The following CNTRL variants were observed in gnomAD, a reference collection of about 807,000 sequenced individuals.
CNTRL encodes 110 kDa centrosomal protein.
CNTRL carries 233 observed loss-of-function variants against 303.7 expected under a neutral mutation model. That is an observed-to-expected ratio of 0.77 (90% confidence interval 0.69 to 0.86). CNTRL has a LOEUF of 0.86. CNTRL is among the 40% of genes least tolerant of loss of function. CNTRL has a pLI of 0.00. For synonymous variants in CNTRL, 900 were observed against 922.2 expected, an observed-to-expected ratio of 0.98 and a Z score of 0.44; for missense variants, 2,524 against 2,650.6, an observed-to-expected ratio of 0.95 and a Z score of 1.05.
chr9:121,158,760 C>A, intron 30 of CNTRL, 95 bp from the exon 31 acceptor site: 1 of 1,183,846 alleles, frequency 8.4e-7, no homozygotes, highest in Non-Finnish European at 1.2e-6. Context: ...AGGATATTAG[C>A]TCCTGATTTT....
Position 121,098,538 on chromosome 9 carries a change from G to A in CNTRL, c.774G>A (p.Gln258=), listed in dbSNP as rs2048988148. Residue 258 remains glutamine, a synonymous_variant, in exon 7 of 44, where the codon CAG becomes CAA. Coordinates refer to ENST00000373855, the MANE Select transcript of CNTRL (RefSeq NM_007018.6). ...TGGAAGGTCAGCCAGTAACCACTCA[G>A]GATAGACAGGAGGCTTTTGAGAGAT... The part of the protein sequence containing the change: ...ESLEGQPVTT[Q]DRQEAFERFS... 1 of 1,609,900 alleles carries A rather than the reference G, an allele frequency of 6.2e-7. No homozygotes were observed. The highest frequency in any genetic ancestry group is 8.5e-7 in the Non-Finnish European group (1 of 1,178,750).
intron 14 of CNTRL, among the ~76,000 whole-genome samples, chr9:121,127,805 C>A (rs1477864323): frequency 1.6e-5 from 2 of 126,042 alleles, no homozygotes; most frequent in South Asian, 3.4e-4. Context: ...TCCCCCCACC[C>A]CACGACAGGC....
intron 2 of CNTRL, among the ~76,000 whole-genome samples, chr9:121,082,705 C>T (rs1358300757): frequency 1.3e-5 from 2 of 152,144 alleles, no homozygotes; most frequent in African/African-American, 2.4e-5. Context: ...GGTGTGGTGG[C>T]TCACACTTGT....
intron 10 of CNTRL, among the ~76,000 whole-genome samples, 159 bp downstream of exon 10, chr9:121,113,883 G>A (rs1276829578): frequency 6.6e-6 from 1 of 152,118 alleles, no homozygotes; most frequent in Non-Finnish European, 1.5e-5. Flanking sequence ...GATTTATCGA[G>A]CATTTATTTT....
At chr9:121,159,735 G>A (rs752935667) in intron 31 of CNTRL, among the ~76,000 whole-genome samples, 24 of 151,448 alleles carry the variant, frequency 1.6e-4, no homozygotes, top group Non-Finnish European at 3.1e-4. Context: ...TCTGGAAGAA[G>A]GAGTTTCCTT....
At position 121,112,586 on chromosome 9, in the gene CNTRL, A is replaced by ATTTTAATTT; in HGVS notation, c.1122+12_1122+20dup. On this transcript the variant is annotated intron_variant, in intron 9 of 43. Coordinates refer to ENST00000373855, the MANE Select transcript of CNTRL (RefSeq NM_007018.6). The stretch of plus-strand genomic sequence containing the variant: ...AATTATTATCCATCAGAGGTGAGTT[A>ATTTTAATTT]TTTTAATTTTTTAGTAATCCAAAGT... The ATTTTAATTT allele has an allele frequency of 6.2e-7, 1 of 1,611,912 alleles. No homozygotes were observed. The highest frequency in any genetic ancestry group is 8.5e-7 in the Non-Finnish European group (1 of 1,178,646).
intron 17 of CNTRL, 51 bp downstream of exon 17, chr9:121,140,837 A>G: frequency 6.4e-7 from 1 of 1,557,842 alleles, no homozygotes; most frequent in Non-Finnish European, 8.7e-7. Flanking sequence ...ACAACTTGAG[A>G]GTTGTGAGTG....
chr9:121,130,625 A>T (rs561862903), intron 14 of CNTRL, among the ~76,000 whole-genome samples: 1 of 151,896 alleles, frequency 6.6e-6, no homozygotes, highest in East Asian at 1.9e-4. Context: ...TTGTGTCTCT[A>T]TCCCCTTTAG....
Position 121,158,958 on chromosome 9 carries a change from A to G in CNTRL, c.4868A>G (p.Asp1623Gly). 6.2e-7 allele frequency: 1 copy of G among 1,614,138 alleles called. No homozygotes were observed. The highest frequency in any genetic ancestry group is 8.5e-7 in the Non-Finnish European group (1 of 1,180,006). ...GGAAGCATGGTCCAGGCAAAAGCTGACCTCCAGGAAGCTCTGAGACTGGGA... is the reference window on the plus strand; with the variant it reads ...GGAAGCATGGTCCAGGCAAAAGCTGGCCTCCAGGAAGCTCTGAGACTGGGA... Reference protein sequence around the residue: ...LQGSMVQAKADLQEALRLGET... With the variant: ...LQGSMVQAKAGLQEALRLGET... The change falls in exon 31 of 44, where the codon GAC becomes GGC. Residue 1623 changes from aspartate (D) to glycine (G), a missense_variant. Asp to Gly is a moderately conservative substitution (Grantham distance 94). Transcript: ENST00000373855.
At chr9:121,100,611 T>C (rs2049111639) in intron 7 of CNTRL, among the ~76,000 whole-genome samples, 1 of 152,180 alleles carries the variant, frequency 6.6e-6, no homozygotes, top group African/African-American at 2.4e-5. Flanking sequence ...AGACGCAGAC[T>C]GGCAAATTGG....
chr9:121,095,504 A>G (rs1439182772), intron 5 of CNTRL, among the ~76,000 whole-genome samples: 3 of 152,184 alleles, frequency 2.0e-5, no homozygotes, highest in Non-Finnish European at 4.4e-5. Context: ...ACTAAAACTG[A>G]CACTGGCTAA....
At chr9:121,173,650 T>C (rs767998469) in intron 41 of CNTRL, 25 bp from the exon 42 acceptor site, 1 of 1,613,462 alleles carries the variant, frequency 6.2e-7, no homozygotes, top group Non-Finnish European at 8.5e-7. Flanking sequence ...TGATTCATGA[T>C]ATCTCTATTT....
chr9:121,151,285 T>C (rs1400798146), intron 25 of CNTRL, among the ~76,000 whole-genome samples: 5 of 152,082 alleles, frequency 3.3e-5, no homozygotes, highest in Non-Finnish European at 7.4e-5. Flanking sequence ...TATTTGTAGG[T>C]ACTGTAGCTG....
chr9:121,118,276 A>G, intron 11 of CNTRL, 70 bp from the exon 12 acceptor site: 1 of 1,211,202 alleles, frequency 8.3e-7, no homozygotes, highest in Admixed American at 2.7e-5. Context: ...TATTAAAATT[A>G]TAGACATTGT....
chr9:121,122,713 A>G (rs2050297009), intron 12 of CNTRL, among the ~76,000 whole-genome samples: 1 of 152,132 alleles, frequency 6.6e-6, no homozygotes. Context: ...TCTCATGTTT[A>G]AAAGGAAGGG....
chr9:121,107,692 T>C, intron 7 of CNTRL, 110 bp from the exon 8 acceptor site: 1 of 732,306 alleles, frequency 1.4e-6, no homozygotes, highest in East Asian at 3.1e-5. Flanking sequence ...AAAAGTAGAA[T>C]TGTATTTACA....
intron 15 of CNTRL, 62 bp downstream of exon 15, chr9:121,136,044 C>G (rs1588214498): frequency 7.4e-7 from 1 of 1,347,080 alleles, no homozygotes; most frequent in East Asian, 2.4e-5. Context: ...TATCATCCTT[C>G]TTTTATTTAT....
intron 14 of CNTRL, among the ~76,000 whole-genome samples, chr9:121,130,308 T>G (rs62141201): frequency 0.081 from 12,319 of 152,134 alleles, 1,169 homozygotes; most frequent in African/African-American, 0.22. Context: ...CAATTTCAGA[T>G]CCTGTTATTG....
rs758627785 is a variant in CNTRL, at chr9:121,173,375, G to A, written c.6550G>A (p.Ala2184Thr). 2.5e-5 allele frequency: 41 copies of A among 1,614,046 alleles called. No homozygotes were observed. Among genetic ancestry groups the A allele is most frequent in the Non-Finnish European group, 5.9e-6 (7 of 1,180,042 alleles). The change falls in exon 41 of 44, where the codon GCA becomes ACA. Residue 2184 changes from alanine to threonine, a missense_variant. By Grantham distance (58) the Ala-to-Thr change is moderately conservative. Transcript: ENST00000373855. ...NLNQFLPELP[A>T]DLEAILERNE... Reference sequence around the variant, plus strand: ...TAATCAGTTTCTTCCAGAACTACCAGCAGATCTAGAAGCTATTTTGGAAAG... The same window carrying A: ...TAATCAGTTTCTTCCAGAACTACCAACAGATCTAGAAGCTATTTTGGAAAG...
Sources: allele counts gnomAD v4.1 joint callset (sites outside exome capture counted in the v4.1 genomes callset), GRCh38; gene constraint gnomAD v4.1.1; transcripts MANE v1.5; gene names NCBI Gene and HGNC (gene_info 2026-07-23, HGNC 2026-07-21).